LRP6: variants seen among roughly 807,000 people sequenced by gnomAD.
LRP6 encodes low-density lipoprotein receptor-related protein 6.
A neutral mutation model predicts 184.1 loss-of-function variants in LRP6; 43 were observed. The observed-to-expected ratio is 0.23, with a 90% CI of 0.18 to 0.30. The LOEUF (loss-of-function observed/expected upper bound fraction) is 0.30, where lower values mean the gene tolerates loss of function less well. Ranked by LOEUF, LRP6 falls within the 10% of genes least tolerant of loss-of-function variation. The pLI is 1.00. For synonymous variants in LRP6, 719 were observed against 684.9 expected, an observed-to-expected ratio of 1.05 and a Z score of -0.78; for missense variants, 1,571 against 2,005.3, an observed-to-expected ratio of 0.78 and a Z score of 4.14.
intron 2 of LRP6, among the ~76,000 whole-genome samples, chr12:12,229,285 G>A (rs1190387826): frequency 6.7e-6 from 1 of 149,882 alleles, no homozygotes; most frequent in Non-Finnish European, 1.5e-5. Flanking sequence ...CAGGAGAATC[G>A]CTTGAACCCG....
intron 17 of LRP6, among the ~76,000 whole-genome samples, chr12:12,134,047 C>T (rs1949796685): frequency 1.3e-5 from 2 of 152,038 alleles, no homozygotes; most frequent in Non-Finnish European, 2.9e-5. Flanking sequence ...TCTTCAAATC[C>T]CCTACGGTCC....
intron 15 of LRP6, 146 bp from the exon 16 acceptor site, chr12:12,138,680 G>A (rs1444420022): frequency 1.5e-6 from 2 of 1,328,774 alleles, no homozygotes; most frequent in African/African-American, 1.5e-5. Context: ...AAAAATCATG[G>A]TAAGACATAC....
At chr12:12,160,897 C>A (rs547763331) in intron 10 of LRP6, among the ~76,000 whole-genome samples, 5 of 152,320 alleles carry the variant, frequency 3.3e-5, no homozygotes, top group African/African-American at 1.2e-4. Flanking sequence ...CACGAAATAC[C>A]TGAGGACATA....
intron 3 of LRP6, 70 bp from the exon 4 acceptor site, chr12:12,187,189 C>T (rs976230189): frequency 2.3e-6 from 3 of 1,280,612 alleles, no homozygotes; most frequent in Middle Eastern, 2.4e-4. Context: ...GTCACCTCTC[C>T]CATTAAAATG....
At chr12:12,243,238 A>T (rs1340212870) in intron 2 of LRP6, among the ~76,000 whole-genome samples, 1 of 152,238 alleles carries the variant, frequency 6.6e-6, no homozygotes, top group Non-Finnish European at 1.5e-5. Context: ...ATGTGAGGAT[A>T]CAGTTCACAC....
At chr12:12,151,117 G>A (rs1024125027) in intron 12 of LRP6, 79 bp from the exon 13 acceptor site, 9 of 1,234,702 alleles carry the variant, frequency 7.3e-6, no homozygotes, top group South Asian at 1.3e-5. Flanking sequence ...TCAGCCTGTT[G>A]TATGTATTTC....
chr12:12,134,668 C>T (rs181284533), intron 17 of LRP6, among the ~76,000 whole-genome samples: 21 of 152,148 alleles, frequency 1.4e-4, no homozygotes, highest in African/African-American at 5.1e-4. Context: ...AACAATGACA[C>T]ATAAACTTAG....
At chr12:12,266,320 A>G (rs1171539664) in intron 1 of LRP6, among the ~76,000 whole-genome samples, 1 of 152,194 alleles carries the variant, frequency 6.6e-6, no homozygotes, top group African/African-American at 2.4e-5. Context: ...CAAACATTTT[A>G]AAAGCCAAAA....
rs17818966 is a variant in LRP6 at position 12,132,384 on chromosome 12, T to C, written c.3734-327A>G. ...TAATCAGTATAATTACCAAAGACTT[T>C]AAAGTTAGCCTAGCACTCAAAAGTT... On this transcript the variant is annotated intron_variant, in intron 17 of 22. Transcript: ENST00000261349. Among the ~76,000 whole-genome samples, 667 of 152,330 alleles carry C rather than the reference T, an allele frequency of 4.4e-3. 4 individuals are homozygous for C. The highest frequency in any genetic ancestry group is 0.035 in the East Asian group (183 of 5,178).
intron 2 of LRP6, among the ~76,000 whole-genome samples, chr12:12,213,917 A>ATACT (rs1193660737): frequency 6.6e-6 from 1 of 152,186 alleles, no homozygotes; most frequent in Non-Finnish European, 1.5e-5. Context: ...TGCAAAGTGA[A>ATACT]TACTTCACTA....
At chr12:12,201,626 A>G (rs547726632) in intron 3 of LRP6, among the ~76,000 whole-genome samples, 1 of 152,244 alleles carries the variant, frequency 6.6e-6, no homozygotes, top group South Asian at 2.1e-4. Flanking sequence ...GACTAAGGCT[A>G]TAGTCAACTT....
intron 2 of LRP6, among the ~76,000 whole-genome samples, chr12:12,215,343 T>A (rs963318773): frequency 2.0e-5 from 3 of 152,068 alleles, no homozygotes; most frequent in Non-Finnish European, 4.4e-5. Flanking sequence ...TGAAAAAAAA[T>A]AATAAAAATA....
intron 15 of LRP6, among the ~76,000 whole-genome samples, chr12:12,146,795 G>T (rs148368324): frequency 2.0e-5 from 3 of 152,184 alleles, no homozygotes; most frequent in African/African-American, 4.8e-5. Context: ...CAGAGGCTAG[G>T]ATTTGGCCAC....
intron 18 of LRP6, 40 bp from the exon 19 acceptor site, chr12:12,130,933 C>A: frequency 9.0e-7 from 1 of 1,106,948 alleles, no homozygotes; most frequent in Non-Finnish European, 1.4e-6. Context: ...TTTTTAATAT[C>A]ATGTAAAGTC....
intron 7 of LRP6, among the ~76,000 whole-genome samples, chr12:12,165,528 T>G (rs1033921791): frequency 3.9e-5 from 6 of 152,230 alleles, no homozygotes; most frequent in African/African-American, 1.2e-4. Context: ...CTTCTAAAAA[T>G]TCTGGCAACT....
chr12:12,250,235 T>G (rs1471031318), intron 1 of LRP6, among the ~76,000 whole-genome samples: 1 of 152,182 alleles, frequency 6.6e-6, no homozygotes, highest in Non-Finnish European at 1.5e-5. Flanking sequence ...GACTTCTACC[T>G]AGGACTCTAA....
Position 12,131,097 on chromosome 12 carries a change from A to ATTTTTTTTT in LRP6, c.3971-213_3971-205dup, listed in dbSNP as rs35705276. On this transcript the variant is annotated intron_variant, in intron 18 of 22. Transcript: ENST00000261349. ...AAAATCCAGCAGGAAATTTCCTAAC[A>ATTTTTTTTT]TTTTTTTTTTTTTTTTTTTTTTTTT... Among the ~76,000 whole-genome samples the ATTTTTTTTT allele has an allele frequency of 6.0e-4, 47 of 78,192 alleles. 1 individual carries two copies. Among genetic ancestry groups the ATTTTTTTTT allele is most frequent in the African/African-American group, 1.8e-3 (45 of 25,100 alleles). The allele number at this position is 78,192 out of a possible 152,430, so 51.3% of individuals were successfully genotyped here.
intron 2 of LRP6, among the ~76,000 whole-genome samples, chr12:12,219,368 G>A (rs1265331574): frequency 6.6e-6 from 1 of 152,054 alleles, no homozygotes; most frequent in African/African-American, 2.4e-5. Context: ...ACCACGCCTG[G>A]CTAATTTTTG....
chr12:12,190,807 G>T (rs1222932647), intron 3 of LRP6, among the ~76,000 whole-genome samples: 2 of 152,178 alleles, frequency 1.3e-5, no homozygotes, highest in Non-Finnish European at 2.9e-5. Context: ...CTTCACCACA[G>T]TGAAGCTGTA....
Sources: allele counts gnomAD v4.1 joint callset (sites outside exome capture counted in the v4.1 genomes callset), GRCh38; gene constraint gnomAD v4.1.1; transcripts MANE v1.5; gene names NCBI Gene and HGNC (gene_info 2026-07-23, HGNC 2026-07-21).